Variants in ANKRD7 observed in about 807,000 individuals in gnomAD.
ANKRD7 encodes the protein ankyrin repeat domain 7.
A neutral mutation model predicts 30.8 loss-of-function variants in ANKRD7; 30 were observed. The ratio of observed to expected loss-of-function variants is 0.97; its 90% confidence interval spans 0.73 to 1.32. ANKRD7 has a LOEUF of 1.32. Among genes scored for constraint, ANKRD7 ranks in the 40% most tolerant of loss-of-function variants. ANKRD7 has a pLI of 0.00. For missense variants in ANKRD7, 264 were observed against 295.7 expected (o/e 0.89, Z 0.79); for synonymous variants, 97 against 106.6 (o/e 0.91, Z 0.55).
chr7:118,233,500 T>C (rs1809673765), intron 1 of ANKRD7, among the ~76,000 whole-genome samples: 1 of 152,080 alleles, frequency 6.6e-6, no homozygotes, highest in African/African-American at 2.4e-5. Flanking sequence ...TGGTAAGTTA[T>C]TGTGTATAGG....
At chr7:118,232,288 G>T (rs1281002045) in intron 1 of ANKRD7, among the ~76,000 whole-genome samples, 1 of 151,868 alleles carries the variant, frequency 6.6e-6, no homozygotes, top group African/African-American at 2.4e-5. Flanking sequence ...TGTTAAATCT[G>T]TATGTTTTTT....
intron 1 of ANKRD7, 145 bp downstream of exon 1, chr7:118,225,154 G>A (rs1809519632): frequency 2.1e-6 from 2 of 933,266 alleles, no homozygotes; most frequent in Non-Finnish European, 1.6e-6. Flanking sequence ...CATTGGCAGA[G>A]GGTCCCACTC....
At chr7:118,235,544 G>A (rs1254085920) in intron 3 of ANKRD7, among the ~76,000 whole-genome samples, 3 of 151,212 alleles carry the variant, frequency 2.0e-5, no homozygotes, top group Admixed American at 2.0e-4. Context: ...CCCGGGAGGC[G>A]GGGCTTGCAG....
chr7:118,230,403 C>G (rs1809615037), intron 1 of ANKRD7, among the ~76,000 whole-genome samples: 2 of 151,498 alleles, frequency 1.3e-5, no homozygotes, highest in South Asian at 4.2e-4. Flanking sequence ...ACCCATGTAA[C>G]AAACCTGCAT....
intron 1 of ANKRD7, among the ~76,000 whole-genome samples, chr7:118,225,619 TC>T (rs2115990372): frequency 6.6e-6 from 1 of 152,248 alleles, no homozygotes; most frequent in African/African-American, 2.4e-5. Context: ...TGGTAATAGA[TC>T]GTCCCCAGGC....
chr7:118,240,464 C>G (rs1248303655), intron 6 of ANKRD7, among the ~76,000 whole-genome samples: 1 of 152,150 alleles, frequency 6.6e-6, no homozygotes, highest in African/African-American at 2.4e-5. Context: ...TTTCCAATTT[C>G]ATCCATCTCC....
At chr7:118,229,536 C>T (rs1403756134) in intron 1 of ANKRD7, among the ~76,000 whole-genome samples, 1 of 151,938 alleles carries the variant, frequency 6.6e-6, no homozygotes, top group Non-Finnish European at 1.5e-5. Flanking sequence ...TGAATACATA[C>T]ATATATACAC....
At chr7:118,228,959 A>G (rs910995475) in intron 1 of ANKRD7, among the ~76,000 whole-genome samples, 2 of 152,114 alleles carry the variant, frequency 1.3e-5, no homozygotes, top group South Asian at 2.1e-4. Context: ...GTAACTTCCA[A>G]TCACTTTCCA....
At chr7:118,225,770 G>A (rs973528406) in intron 1 of ANKRD7, among the ~76,000 whole-genome samples, 1 of 152,296 alleles carries the variant, frequency 6.6e-6, no homozygotes, top group East Asian at 1.9e-4. Context: ...AGCTTGCTGA[G>A]TTTATTGATA....
At chr7:118,229,094 G>A (rs1809590396) in intron 1 of ANKRD7, among the ~76,000 whole-genome samples, 1 of 151,972 alleles carries the variant, frequency 6.6e-6, no homozygotes, top group Non-Finnish European at 1.5e-5. Flanking sequence ...TTTACATCCA[G>A]CTACACTGGC....
chr7:118,233,847 T>C (rs779839337), intron 1 of ANKRD7, among the ~76,000 whole-genome samples: 1 of 152,114 alleles, frequency 6.6e-6, no homozygotes, highest in Non-Finnish European at 1.5e-5. Flanking sequence ...AATTCATGAA[T>C]GTGTGTCTGG....
chr7:118,232,687 T>C (rs758072868), intron 1 of ANKRD7, among the ~76,000 whole-genome samples: 1 of 151,524 alleles, frequency 6.6e-6, no homozygotes, highest in Non-Finnish European at 1.5e-5. Flanking sequence ...CTATTGGGAA[T>C]CCATTTACTT....
At position 118,236,848 on chromosome 7, in the gene ANKRD7, C is replaced by T. The variant is rs1454731690; in HGVS notation, c.634C>T (p.Gln212Ter). 3.7e-6 allele frequency: 6 copies of T among 1,614,000 alleles called. No homozygotes were observed. Among genetic ancestry groups the T allele is most frequent in the Non-Finnish European group, 5.1e-6 (6 of 1,179,898 alleles). ...ACCATGTTTAGTAAAGCTTCTTCTTCAGCAAGGTGTGGAATTATGTTACGA... is the reference window on the plus strand; with the variant it reads ...ACCATGTTTAGTAAAGCTTCTTCTTTAGCAAGGTGTGGAATTATGTTACGA... ...EPPCLVKLLL[Q>*]QGVELCYEGI... Residue 212 changes from glutamine (Q) to a stop codon, truncating the protein, a stop_gained, in exon 5 of 7, where the codon CAG becomes TAG. Transcript: ENST00000265224. LOFTEE classifies it high-confidence loss of function.
At chr7:118,238,015 T>C (rs547482728) in intron 5 of ANKRD7, among the ~76,000 whole-genome samples, 2 of 152,256 alleles carry the variant, frequency 1.3e-5, no homozygotes, top group Admixed American at 6.5e-5. Context: ...AGAAGACACA[T>C]GTATCTGTTT....
intron 5 of ANKRD7, among the ~76,000 whole-genome samples, chr7:118,237,938 T>G (rs77400300): frequency 0.032 from 4,894 of 152,230 alleles, 128 homozygotes; most frequent in East Asian, 0.076. Context: ...TCTACAAAAG[T>G]GATCCCTAAT....
chr7:118,234,650 C>G lies in ANKRD7; in HGVS notation c.295-51C>G. 3.8e-6 allele frequency: 6 copies of G among 1,566,090 alleles called. No individual in the cohort carries two copies. In the South Asian group the frequency reaches 6.0e-5, roughly 16 times the overall value. ...AACATAGTATCAAACATTAATTTATCATATCCCAAGTAGTAAATTGGTTAC... is the reference window on the plus strand; with the variant it reads ...AACATAGTATCAAACATTAATTTATGATATCCCAAGTAGTAAATTGGTTAC... On this transcript the variant is annotated intron_variant, in intron 2 of 6. Coordinates refer to ENST00000265224, the MANE Select transcript of ANKRD7 (RefSeq NM_019644.4).
In ANKRD7 at chr7:118,234,714, A is replaced by G. The variant is rs1809698084; in HGVS notation, c.308A>G (p.Gln103Arg). 2 of 1,608,576 alleles carry G rather than the reference A, an allele frequency of 1.2e-6. No homozygotes were observed. Among genetic ancestry groups the G allele is most frequent in the South Asian group, 2.2e-5 (2 of 89,244 alleles). ...KSPLIKAVQC[Q>R]NEDCATILLN... ...TTGCATTAACAGGCAGTACAGTGTC[A>G]AAATGAGGATTGTGCTACTATTCTT... The change falls in exon 3 of 7, where the codon CAA (glutamine) becomes CGA (arginine). Residue 103 changes from glutamine to arginine, a missense_variant. Physicochemically the swap from Gln to Arg is conservative, Grantham distance 43 (BLOSUM62 1). Transcript: ENST00000265224.
chr7:118,235,244 A>T (rs184654947), intron 3 of ANKRD7, among the ~76,000 whole-genome samples: 261 of 152,306 alleles, frequency 1.7e-3, no homozygotes, highest in African/African-American at 5.8e-3. Context: ...CAGGGTTGAA[A>T]TAGCAAATGA....
intron 6 of ANKRD7, among the ~76,000 whole-genome samples, chr7:118,241,309 T>C (rs893655053): frequency 1.3e-5 from 2 of 151,358 alleles, no homozygotes; most frequent in African/African-American, 4.8e-5. Context: ...GCAAGCAGAC[T>C]CCTCCACTAC....
Sources: allele counts gnomAD v4.1 joint callset (sites outside exome capture counted in the v4.1 genomes callset), GRCh38; gene constraint gnomAD v4.1.1; transcripts MANE v1.5; gene names NCBI Gene and HGNC (gene_info 2026-07-23, HGNC 2026-07-21).